The following KPNA5 variants were observed in gnomAD, a reference collection of about 807,000 sequenced individuals.
The protein encoded by KPNA5 is karyopherin subunit alpha 5.
In KPNA5, 46 loss-of-function variants were observed where a neutral mutation model predicts 71.3. The observed-to-expected ratio is 0.65, with a 90% CI of 0.51 to 0.83. The LOEUF is 0.83. Ranked by LOEUF, KPNA5 falls within the 40% of genes least tolerant of loss-of-function variation. The pLI is 0.00. For synonymous variants in KPNA5, 207 were observed against 201.4 expected, an observed-to-expected ratio of 1.03 and a Z score of -0.24; for missense variants, 547 against 628.3, an observed-to-expected ratio of 0.87 and a Z score of 1.38.
chr6:116,688,516 A>C lies in KPNA5; in HGVS notation c.5-804A>C, dbSNP rs1194818962. 3.3e-5 allele frequency among the ~76,000 whole-genome samples: 5 copies of C among 152,266 alleles called. No homozygotes were observed. In the South Asian group the frequency reaches 1.0e-3, roughly 32 times the overall value. Reference sequence around the variant, plus strand: ...ATAATATCAGTATTTTAATATTCCTATAAGATAATATCAAGATATCAATAC... The same window carrying C: ...ATAATATCAGTATTTTAATATTCCTCTAAGATAATATCAAGATATCAATAC... On this transcript the variant is annotated intron_variant, in intron 1 of 13. Coordinates refer to ENST00000368564, the MANE Select transcript of KPNA5 (RefSeq NM_001366306.2).
intron 13 of KPNA5, among the ~76,000 whole-genome samples, chr6:116,731,752 T>G (rs1779490805): frequency 6.6e-6 from 1 of 152,024 alleles, no homozygotes; most frequent in Non-Finnish European, 1.5e-5. Context: ...TTTCCCTTTT[T>G]GGGCTTTGTT....
chr6:116,717,355 C>A (rs1778923825), intron 8 of KPNA5, among the ~76,000 whole-genome samples: 1 of 152,220 alleles, frequency 6.6e-6, no homozygotes, highest in Admixed American at 6.5e-5. Context: ...CACTGTCTTA[C>A]AACAGTCTCC....
intron 12 of KPNA5, among the ~76,000 whole-genome samples, chr6:116,729,247 A>G (rs1779398480): frequency 6.8e-6 from 1 of 147,848 alleles, no homozygotes; most frequent in Non-Finnish European, 1.5e-5. Flanking sequence ...AACCTTTCGA[A>G]CCTACGTTTA....
chr6:116,712,164 C>G (rs1778721416), intron 7 of KPNA5, among the ~76,000 whole-genome samples: 1 of 152,152 alleles, frequency 6.6e-6, no homozygotes, highest in Admixed American at 6.5e-5. Context: ...TGGTCTCGAA[C>G]TTTTGGCCTC....
chr6:116,715,368 A>G (rs1167832806), intron 7 of KPNA5, among the ~76,000 whole-genome samples: 1 of 152,170 alleles, frequency 6.6e-6, no homozygotes, highest in Non-Finnish European at 1.5e-5. Flanking sequence ...GGGCTCTCCT[A>G]TTTAAATAAC....
intron 6 of KPNA5, among the ~76,000 whole-genome samples, chr6:116,704,244 G>A (rs1583419603): frequency 6.6e-6 from 1 of 152,032 alleles, no homozygotes; most frequent in Non-Finnish European, 1.5e-5. Flanking sequence ...TCACCATGTT[G>A]GCCAGGCTGG....
At chr6:116,699,752 C>A (rs922689540) in intron 5 of KPNA5, among the ~76,000 whole-genome samples, 1 of 152,142 alleles carries the variant, frequency 6.6e-6, no homozygotes, top group South Asian at 2.1e-4. Flanking sequence ...TAAGTCCAGA[C>A]TAAAACCCAG....
At position 116,738,576 on chromosome 6, in the gene KPNA5, GTGAACAT is replaced by G. The variant is rs1262342279; in HGVS notation, c.*6257_*6263del. The stretch of plus-strand genomic sequence containing the variant: ...AGAGAATTTTAGACCAATATCCTTG[GTGAACAT>G]TGATGCAAAAATCCTCAATAAAATA... On this transcript the variant is annotated 3_prime_UTR_variant, in exon 14 of 14. Coordinates refer to ENST00000368564, the MANE Select transcript of KPNA5 (RefSeq NM_001366306.2). 6.6e-6 allele frequency: 1 copy of G among 151,702 alleles called. No homozygotes were observed. Among genetic ancestry groups the G allele is most frequent in the Non-Finnish European group, 1.5e-5 (1 of 67,896 alleles). 9.4% of individuals were successfully genotyped at this position (151,702 alleles called of 1,614,324 possible).
intron 7 of KPNA5, among the ~76,000 whole-genome samples, chr6:116,708,529 G>C (rs1458203857): frequency 2.0e-5 from 3 of 152,156 alleles, no homozygotes; most frequent in Non-Finnish European, 4.4e-5. Flanking sequence ...ACTTTGAGCA[G>C]TATTGCCATC....
intron 2 of KPNA5, among the ~76,000 whole-genome samples, chr6:116,690,742 T>A (rs949625545): frequency 4.6e-5 from 7 of 152,184 alleles, no homozygotes; most frequent in Non-Finnish European, 1.0e-4. Context: ...AATGTAGAGT[T>A]ATCCCTTGGT....
Position 116,733,900 on chromosome 6 carries a change from G to A in KPNA5, c.*1577G>A, listed in dbSNP as rs578119070. The A allele has an allele frequency of 3.1e-4, 47 of 151,772 alleles. No individual in the cohort carries two copies. Among genetic ancestry groups the A allele is most frequent in the Non-Finnish European group, 4.9e-4 (33 of 67,718 alleles). The allele number at this position is 151,772 out of a possible 1,614,324, so 9.4% of individuals were successfully genotyped here. On this transcript the variant is annotated 3_prime_UTR_variant, in exon 14 of 14. Transcript: ENST00000368564. Reference sequence around the variant, plus strand: ...GTACTTTTAAAGAATATGTCACTTTGTAAATTACATATCATGAAACTAAGC... The same window carrying A: ...GTACTTTTAAAGAATATGTCACTTTATAAATTACATATCATGAAACTAAGC...
intron 1 of KPNA5, among the ~76,000 whole-genome samples, chr6:116,686,152 G>T (rs768974967): frequency 6.6e-6 from 1 of 152,008 alleles, no homozygotes; most frequent in African/African-American, 2.4e-5. Context: ...CAATCCTCCT[G>T]GCTCTGCCTC....
chr6:116,717,946 A>T (rs1285898435), intron 8 of KPNA5, among the ~76,000 whole-genome samples: 1 of 152,118 alleles, frequency 6.6e-6, no homozygotes, highest in Non-Finnish European at 1.5e-5. Flanking sequence ...CATGCCTGAG[A>T]AGTTGCATCT....
chr6:116,713,876 G>A lies in KPNA5; in HGVS notation c.657-2343G>A, dbSNP rs75729142. Among the ~76,000 whole-genome samples, 10 of 152,140 alleles carry A rather than the reference G, an allele frequency of 6.6e-5. No homozygotes were observed. The East Asian group carries it at 1.9e-3, about 29-fold the overall frequency. ...CTTACAGCTTCATAATTCCTATTTAGTTCCTTTTTATAATGTCTGTTTCCA... is the reference window on the plus strand; with the variant it reads ...CTTACAGCTTCATAATTCCTATTTAATTCCTTTTTATAATGTCTGTTTCCA... On this transcript the variant is annotated intron_variant, in intron 7 of 13. Transcript: ENST00000368564.
intron 1 of KPNA5, among the ~76,000 whole-genome samples, chr6:116,681,776 C>G (rs1301618138): frequency 6.6e-6 from 1 of 152,180 alleles, no homozygotes; most frequent in Non-Finnish European, 1.5e-5. Flanking sequence ...GCCTCGCCCT[C>G]TCCATCCGCC....
chr6:116,702,051 A>G lies in KPNA5; in HGVS notation c.468A>G (p.Ala156=). ...CTGCATGGGCATTAACAAATATAGC[A>G]TCTGGAACTTTTCTGCATACCAAGG... ...FEAAWALTNI[A]SGTFLHTKVV... The change falls in exon 6 of 14, where the codon GCA becomes GCG. Residue 156 remains alanine, a synonymous_variant. Coordinates refer to ENST00000368564, the MANE Select transcript of KPNA5 (RefSeq NM_001366306.2). 2 of 1,613,780 alleles carry G rather than the reference A, an allele frequency of 1.2e-6. No individual in the cohort carries two copies. The highest frequency in any genetic ancestry group is 1.7e-6 in the Non-Finnish European group (2 of 1,179,910).
rs542798274 is a variant in KPNA5 at position 116,725,301 on chromosome 6, G to T, written c.1000-450G>T. On this transcript the variant is annotated intron_variant, in intron 10 of 13. Transcript: ENST00000368564. ...ATGCAGAATATACTTGTTTACAGAA[G>T]AAGAGTAAGATAGTAAAAATTTTTA... is the stretch of plus-strand genomic sequence containing the variant. 5.9e-5 allele frequency among the ~76,000 whole-genome samples: 9 copies of T among 152,304 alleles called. No homozygotes were observed. The South Asian group carries it at 1.7e-3, about 28-fold the overall frequency.
In KPNA5 at chr6:116,734,722, AAAAAAAAAAG is replaced by A. The variant is rs1463794959; in HGVS notation, c.*2403_*2412del. 1.3e-5 allele frequency: 2 copies of A among 151,016 alleles called. No homozygotes were observed. Among genetic ancestry groups the A allele is most frequent in the Non-Finnish European group, 3.0e-5 (2 of 67,526 alleles). The allele number at this position is 151,016 out of a possible 1,614,324, so 9.4% of individuals were successfully genotyped here. A position where few individuals can be genotyped will look rare whatever the true frequency, so the allele number is the denominator to read the frequency against. On this transcript the variant is annotated 3_prime_UTR_variant, in exon 14 of 14. Coordinates refer to ENST00000368564, the MANE Select transcript of KPNA5 (RefSeq NM_001366306.2). ...CAGGCAGAGCCCTGACCAGGAAAAA[AAAAAAAAAAG>A]AAAGAAAGAAAAGAAAAAAATAAAT... is the stretch of plus-strand genomic sequence containing the variant.
At chr6:116,702,538 C>A (rs983395662) in intron 6 of KPNA5, among the ~76,000 whole-genome samples, 1 of 152,048 alleles carries the variant, frequency 6.6e-6, no homozygotes, top group Non-Finnish European at 1.5e-5. Flanking sequence ...CAAAAATTAG[C>A]CAGGCGTGGT....
Sources: gnomAD v4.1 joint callset for allele counts (sites outside exome capture counted in the v4.1 genomes callset) on GRCh38, gnomAD v4.1.1 for gene constraint, MANE v1.5 for transcripts, NCBI Gene and HGNC (gene_info 2026-07-23, HGNC 2026-07-21) for gene names.